Variants in PRKCB observed in about 807,000 individuals in gnomAD.
PRKCB encodes the protein protein kinase C beta.
A neutral mutation model predicts 81.5 loss-of-function variants in PRKCB; 13 were observed. The ratio of observed to expected loss-of-function variants is 0.16; its 90% CI spans 0.10 to 0.25. PRKCB has a LOEUF of 0.25. Among genes scored for constraint, PRKCB ranks in the 10% least tolerant of loss-of-function variants. The pLI is 1.00. For missense variants in PRKCB, 509 were observed against 875.7 expected, an observed-to-expected ratio of 0.58 and a Z score of 5.29; for synonymous variants, 335 against 321.4, an observed-to-expected ratio of 1.04 and a Z score of -0.45.
intron 9 of PRKCB, chr16:24,151,969 G>A (rs1967086787): frequency 4.4e-6 from 2 of 449,600 alleles, no homozygotes; most frequent in Non-Finnish European, 8.9e-6. Flanking sequence ...TATCATGACT[G>A]CATCTGCACT....
chr16:23,976,094 G>A (rs1964621205), intron 2 of PRKCB, among the ~76,000 whole-genome samples: 1 of 152,030 alleles, frequency 6.6e-6, no homozygotes, highest in Non-Finnish European at 1.5e-5. Context: ...ACCACTTGAG[G>A]CCAGGAGTTC....
At chr16:24,139,870 C>T (rs758256688) in intron 9 of PRKCB, among the ~76,000 whole-genome samples, 8 of 152,206 alleles carry the variant, frequency 5.3e-5, no homozygotes, top group Admixed American at 1.3e-4. Context: ...ATCTGGCCAA[C>T]GTGAAGACTG....
chr16:23,917,227 TGTG>T (rs1206593735), intron 2 of PRKCB, among the ~76,000 whole-genome samples: 1 of 152,154 alleles, frequency 6.6e-6, no homozygotes, highest in Non-Finnish European at 1.5e-5. Context: ...GGATTACAGG[TGTG>T]TGCTACCACA....
intron 10 of PRKCB, among the ~76,000 whole-genome samples, chr16:24,171,068 G>A (rs1967433528): frequency 6.6e-6 from 1 of 152,112 alleles, no homozygotes; most frequent in East Asian, 1.9e-4. Flanking sequence ...ATCTATTGGT[G>A]AGTACCTCAA....
At chr16:24,119,011 A>G (rs948620117) in intron 8 of PRKCB, among the ~76,000 whole-genome samples, 17 of 152,140 alleles carry the variant, frequency 1.1e-4, no homozygotes, top group Non-Finnish European at 2.2e-4. Flanking sequence ...CCCCTTCTTC[A>G]AAAGAAGCTG....
At chr16:23,916,378 T>A (rs536342461) in intron 2 of PRKCB, among the ~76,000 whole-genome samples, 4 of 152,300 alleles carry the variant, frequency 2.6e-5, no homozygotes, top group Admixed American at 2.6e-4. Flanking sequence ...TATCTTTTTT[T>A]ATGCATCATT....
intron 3 of PRKCB, among the ~76,000 whole-genome samples, chr16:24,029,818 G>C (rs913957156): frequency 6.6e-6 from 1 of 152,202 alleles, no homozygotes; most frequent in Non-Finnish European, 1.5e-5. Flanking sequence ...GAAACTGGTA[G>C]CATGTACCAA....
intron 16 of PRKCB, among the ~76,000 whole-genome samples, chr16:24,204,980 C>T (rs960311621): frequency 3.0e-4 from 46 of 151,772 alleles, no homozygotes; most frequent in African/African-American, 4.6e-4. Context: ...ATTAGCTGGG[C>T]ATGGTGATGG....
chr16:24,112,479 A>G (rs964700874), intron 7 of PRKCB, among the ~76,000 whole-genome samples: 2 of 152,178 alleles, frequency 1.3e-5, no homozygotes, highest in South Asian at 2.1e-4. Context: ...TCGAGGCTTC[A>G]GTGAGCTGTG....
chr16:23,864,160 A>G (rs1962732062), intron 2 of PRKCB, among the ~76,000 whole-genome samples: 1 of 152,194 alleles, frequency 6.6e-6, no homozygotes, highest in Admixed American at 6.5e-5. Context: ...AGGAACAGAA[A>G]TGGTCCCTTC....
At chr16:24,125,384 A>C (rs1966841555) in intron 9 of PRKCB, among the ~76,000 whole-genome samples, 1 of 152,154 alleles carries the variant, frequency 6.6e-6, no homozygotes, top group Non-Finnish European at 1.5e-5. Context: ...TCTGGCCACA[A>C]CATCAGCTCT....
At chr16:24,161,264 T>C (rs2141958313) in intron 10 of PRKCB, among the ~76,000 whole-genome samples, 1 of 152,310 alleles carries the variant, frequency 6.6e-6, no homozygotes, top group East Asian at 1.9e-4. Flanking sequence ...TCAGAAATAA[T>C]CTTATATTGG....
At chr16:24,099,485 T>A (rs1966478165) in intron 7 of PRKCB, 1 of 152,328 alleles carries the variant, frequency 6.6e-6, no homozygotes, top group African/African-American at 2.4e-5. Flanking sequence ...GTGGTTAGAT[T>A]ACAGTTTGGT....
intron 2 of PRKCB, among the ~76,000 whole-genome samples, chr16:23,882,025 C>CCTTCCTTCCTTT: frequency 5.5e-5 from 1 of 18,330 alleles, no homozygotes; most frequent in Non-Finnish European, 1.2e-4. Context: ...TTTCTTTCTT[C>CCTTCCTTCCTTT]CTTCCTTCCT....
chr16:23,908,503 G>T (rs548176890), intron 2 of PRKCB, among the ~76,000 whole-genome samples: 1 of 152,182 alleles, frequency 6.6e-6, no homozygotes, highest in Non-Finnish European at 1.5e-5. Context: ...AGTGCCTTGG[G>T]TGCCTTGCTG....
chr16:23,882,398 A>AT (rs1328137894), intron 2 of PRKCB, among the ~76,000 whole-genome samples: 2 of 150,900 alleles, frequency 1.3e-5, no homozygotes, highest in Admixed American at 6.6e-5. Flanking sequence ...TTTTTTCTTG[A>AT]TTTTTAATAG....
At chr16:24,003,864 A>G (rs1596506767) in intron 3 of PRKCB, among the ~76,000 whole-genome samples, 1 of 152,200 alleles carries the variant, frequency 6.6e-6, no homozygotes, top group East Asian at 1.9e-4. Flanking sequence ...GAAAGTAATA[A>G]CTAATTATTA....
intron 2 of PRKCB, among the ~76,000 whole-genome samples, chr16:23,966,071 C>A (rs1450972852): frequency 6.6e-6 from 1 of 152,186 alleles, no homozygotes; most frequent in African/African-American, 2.4e-5. Context: ...AGAGGCTGAG[C>A]AAAACTCTGC....
intron 2 of PRKCB, among the ~76,000 whole-genome samples, chr16:23,967,263 C>T (rs1263105572): frequency 6.6e-6 from 1 of 152,208 alleles, no homozygotes; most frequent in Non-Finnish European, 1.5e-5. Context: ...AATATTCCTT[C>T]TCTTATCCTT....
Sources: allele counts gnomAD v4.1 joint callset (sites outside exome capture counted in the v4.1 genomes callset), GRCh38; gene constraint gnomAD v4.1.1; transcripts MANE v1.5; gene names NCBI Gene and HGNC (gene_info 2026-07-23, HGNC 2026-07-21).